ITGA11: variants seen among roughly 807,000 people sequenced by gnomAD.
The protein encoded by ITGA11 is integrin alpha-11.
Under a neutral mutation model 141.9 loss-of-function variants are expected in ITGA11, and 97 were observed. The ratio of observed to expected loss-of-function variants is 0.68; its 90% CI spans 0.58 to 0.81. The LOEUF is 0.81. Ranked by LOEUF, ITGA11 falls within the 30% of genes least tolerant of loss-of-function variation. The pLI is 0.00. For missense variants in ITGA11, 1,387 were observed against 1,559.2 expected, an observed-to-expected ratio of 0.89 and a Z score of 1.86; for synonymous variants, 658 against 624.6, an observed-to-expected ratio of 1.05 and a Z score of -0.80.
At position 68,308,613 on chromosome 15, in the gene ITGA11, C is replaced by T. The variant is rs1041399488; in HGVS notation, c.3175-917G>A. On this transcript the variant is annotated intron_variant, in intron 26 of 29. Transcript: ENST00000315757. This position sits in a 1 kb window ranked among gnomAD's most constrained non-coding sequence, Gnocchi z 5.2. ...AAAAAATTAGCCAGCCGTGGTGGCA[C>T]GCGCCTGTAGTCCCAACTACTTGGG... Among the ~76,000 whole-genome samples, 15 of 152,000 alleles carry T rather than the reference C, an allele frequency of 9.9e-5. No individual in the cohort carries two copies. Among genetic ancestry groups the T allele is most frequent in the Admixed American group, 7.9e-4 (12 of 15,244 alleles).
chr15:68,428,689 C>T (rs1238212408), intron 1 of ITGA11, among the ~76,000 whole-genome samples: 1 of 152,148 alleles, frequency 6.6e-6, no homozygotes, highest in Admixed American at 6.5e-5. Flanking sequence ...ACCTCTGGAG[C>T]CTTTGTACAC....
At position 68,397,003 on chromosome 15, in the gene ITGA11, A is replaced by ATATAT. The variant is rs1555453066; in HGVS notation, c.164+5910_164+5914dup. Among the ~76,000 whole-genome samples the ATATAT allele has an allele frequency of 4.6e-3, 14 of 3,040 alleles. 1 individual carries two copies. The highest frequency in any genetic ancestry group is 0.041 in the African/African-American group (13 of 316). The allele number at this position is 3,040 out of a possible 152,430, so 2.0% of individuals were successfully genotyped here. A position where few individuals can be genotyped will look rare whatever the true frequency, so the allele number is the denominator to read the frequency against. The stretch of plus-strand genomic sequence containing the variant: ...TATATTATTTATTATATAATATATA[A>ATATAT]TATATATTACTTATTATATAATATA... On this transcript the variant is annotated intron_variant, in intron 2 of 29. Transcript: ENST00000315757.
chr15:68,320,338 C>T lies in ITGA11; in HGVS notation c.2463G>A (p.Thr821=), dbSNP rs776462963. The change falls in exon 20 of 30, where the codon ACG becomes ACA. Residue 821 remains threonine, a synonymous_variant. Coordinates refer to ENST00000315757, the MANE Select transcript of ITGA11 (RefSeq NM_001004439.2). Reference sequence around the variant, plus strand: ...TGAAGACTGTGGTGTCGAAGGACAGCGTGTATGCGGAGCAGTCCTGCGCAG... The same window carrying T: ...TGAAGACTGTGGTGTCGAAGGACAGTGTGTATGCGGAGCAGTCCTGCGCAG... ...RKPAQDCSAY[T]LSFDTTVFII... 6.4e-5 allele frequency: 103 copies of T among 1,612,490 alleles called. 2 individuals carry two copies. The South Asian group carries it at 6.6e-4, about 10-fold the overall frequency.
rs1200534181 is a variant in ITGA11 at position 68,298,793 on chromosome 15, G to A, written c.*4266C>T. 6.6e-6 allele frequency: 1 copy of A among 152,158 alleles called. No individual in the cohort carries two copies. The highest frequency in any genetic ancestry group is 1.5e-5 in the Non-Finnish European group (1 of 68,042). 9.4% of individuals were successfully genotyped at this position (152,158 alleles called of 1,614,324 possible). A position where few individuals can be genotyped will look rare whatever the true frequency, so the allele number is the denominator to read the frequency against. On this transcript the variant is annotated 3_prime_UTR_variant, in exon 30 of 30. Transcript: ENST00000315757. ...GAAAACATTTCAGACACATCACTAA[G>A]TTGTTGCACATCTTTTTTAATGCAG...
Position 68,335,715 on chromosome 15 carries a change from C to A in ITGA11, c.1407G>T (p.Gln469His). ...MHNNRSLTIH[Q>H]AMRGQQIGSY... ...CCATTACCTGCTGGCCCCGCATAGC[C>A]TGGTGGATGGTGAGGCTCCGGTTGT... The change falls in exon 12 of 30, where the codon CAG (glutamine) becomes CAT (histidine). Residue 469 changes from glutamine (Q) to histidine (H), a missense_variant. Physicochemically the swap from Gln to His is conservative, Grantham distance 24. Coordinates refer to ENST00000315757, the MANE Select transcript of ITGA11 (RefSeq NM_001004439.2). The surrounding 1 kb of genome is among the most constrained non-coding windows in gnomAD (Gnocchi z 4.9). The A allele has an allele frequency of 6.2e-7, 1 of 1,613,838 alleles. No individual in the cohort carries two copies. The highest frequency in any genetic ancestry group is 8.5e-7 in the Non-Finnish European group (1 of 1,179,816).
At chr15:68,357,793 G>A (rs1215262054) in intron 6 of ITGA11, among the ~76,000 whole-genome samples, 2 of 152,120 alleles carry the variant, frequency 1.3e-5, no homozygotes, top group Non-Finnish European at 1.5e-5. Context: ...ACCATGAAAC[G>A]TTCCTGTTGG....
intron 1 of ITGA11, among the ~76,000 whole-genome samples, chr15:68,430,666 A>G (rs1035291565): frequency 1.3e-5 from 2 of 152,110 alleles, no homozygotes; most frequent in African/African-American, 2.4e-5. Flanking sequence ...ACACACCTAA[A>G]TGGGCTTGGC....
At chr15:68,401,074 G>C (rs995071953) in intron 2 of ITGA11, among the ~76,000 whole-genome samples, 2 of 146,662 alleles carry the variant, frequency 1.4e-5, no homozygotes, top group African/African-American at 5.1e-5. Flanking sequence ...CACAAAAGGG[G>C]ATACAAAAAT....
At chr15:68,405,476 C>T (rs1896626845) in intron 1 of ITGA11, among the ~76,000 whole-genome samples, 4 of 152,082 alleles carry the variant, frequency 2.6e-5, no homozygotes, top group Admixed American at 2.6e-4. Context: ...TCCTAATCTC[C>T]CACATGAATT....
intron 3 of ITGA11, chr15:68,365,095 G>T (rs1017644661): frequency 1.0e-6 from 1 of 965,704 alleles, no homozygotes; most frequent in East Asian, 1.1e-4. Flanking sequence ...CCAGCCATCC[G>T]ACTGGAGCCC....
intron 3 of ITGA11, among the ~76,000 whole-genome samples, chr15:68,366,108 G>T (rs1595879996): frequency 6.6e-6 from 1 of 152,256 alleles, no homozygotes; most frequent in South Asian, 2.1e-4. Flanking sequence ...TTTGAAATCT[G>T]CCCTTCTTGG....
rs1449411509 is a variant in ITGA11 at position 68,335,646 on chromosome 15, TG to T, written c.1425+50del. 4.9e-5 allele frequency: 79 copies of T among 1,596,656 alleles called. No homozygotes were observed. The highest frequency in any genetic ancestry group is 3.0e-5 in the Non-Finnish European group (35 of 1,169,732). On this transcript the variant is annotated intron_variant, in intron 12 of 29. Coordinates refer to ENST00000315757, the MANE Select transcript of ITGA11 (RefSeq NM_001004439.2). This position sits in a 1 kb window ranked among gnomAD's most constrained non-coding sequence, Gnocchi z 4.9. The stretch of plus-strand genomic sequence containing the variant: ...TGTATTTACTGCCCTCCCATTTGTC[TG>T]ATCTGCCCCCTCTTCCCTCCATCCC...
chr15:68,310,180 T>C (rs1358223289), intron 26 of ITGA11, among the ~76,000 whole-genome samples: 1 of 152,216 alleles, frequency 6.6e-6, no homozygotes, highest in African/African-American at 2.4e-5. Flanking sequence ...AGGTCTTAGT[T>C]AGAGTAATAC....
intron 10 of ITGA11, among the ~76,000 whole-genome samples, chr15:68,348,487 A>C (rs1423913628): frequency 2.0e-5 from 3 of 152,206 alleles, no homozygotes; most frequent in African/African-American, 7.2e-5. Flanking sequence ...TCACAGGTGA[A>C]ATTATGGGAT....
chr15:68,371,138 C>T (rs1323472255), intron 2 of ITGA11, among the ~76,000 whole-genome samples: 1 of 152,106 alleles, frequency 6.6e-6, no homozygotes, highest in Non-Finnish European at 1.5e-5. Flanking sequence ...TTTGTCTAGA[C>T]GAGGTGATTT....
Position 68,335,806 on chromosome 15 carries a change from C to T in ITGA11, c.1316G>A (p.Arg439Gln), listed in dbSNP as rs541103090. ...VTSVVSSRQG[R>Q]VYVAGAPRFN... ...CCGGGGGGCTCCGGCCACGTACACC[C>T]GCCCCTGCCTGGAGGACACGACCGA... Residue 439 changes from arginine (R) to glutamine (Q), a missense_variant, in exon 12 of 30, where the codon CGG becomes CAG. Coordinates refer to ENST00000315757, the MANE Select transcript of ITGA11 (RefSeq NM_001004439.2). The surrounding 1 kb of genome is among the most constrained non-coding windows in gnomAD (Gnocchi z 4.9). The T allele has an allele frequency of 3.1e-6, 5 of 1,613,338 alleles. No individual in the cohort carries two copies. Among genetic ancestry groups the T allele is most frequent in the East Asian group, 4.5e-5 (2 of 44,862 alleles).
chr15:68,347,603 C>T (rs1894779349), intron 10 of ITGA11, among the ~76,000 whole-genome samples: 1 of 152,168 alleles, frequency 6.6e-6, no homozygotes, highest in Non-Finnish European at 1.5e-5. Context: ...TGTCCCCCTC[C>T]CCTCCAGTTT....
intron 1 of ITGA11, among the ~76,000 whole-genome samples, chr15:68,425,733 C>T (rs980355318): frequency 6.6e-6 from 1 of 152,214 alleles, no homozygotes; most frequent in Admixed American, 6.5e-5. Context: ...CCATGGCCTT[C>T]CTGAGGCCCA....
intron 2 of ITGA11, among the ~76,000 whole-genome samples, chr15:68,398,457 C>T (rs994415831): frequency 4.0e-5 from 6 of 150,672 alleles, no homozygotes; most frequent in Non-Finnish European, 1.5e-5. Flanking sequence ...GCTAACTATC[C>T]TAAATATATA....
Sources: allele counts gnomAD v4.1 joint callset (sites outside exome capture counted in the v4.1 genomes callset), GRCh38; gene constraint gnomAD v4.1.1; non-coding constraint Gnocchi (gnomAD v3.1); transcripts MANE v1.5; gene names NCBI Gene and HGNC (gene_info 2026-07-23, HGNC 2026-07-21).